The following CCP110 variants were observed in gnomAD, a reference collection of about 807,000 sequenced individuals.
CCP110 encodes the protein centriolar coiled-coil protein of 110 kDa.
CCP110 carries 43 observed loss-of-function variants against 105.5 expected under a neutral mutation model. The ratio of observed to expected loss-of-function variants is 0.41; its 90% CI spans 0.32 to 0.53. The LOEUF (loss-of-function observed/expected upper bound fraction) is 0.53. CCP110 is among the 20% of genes least tolerant of loss of function. CCP110 has a pLI of 0.32. For missense variants in CCP110, 1,016 were observed against 1,189.1 expected (o/e 0.85, Z 2.14); for synonymous variants, 353 against 392.1 (o/e 0.90, Z 1.18).
rs1333004431 is a variant in CCP110 at position 19,540,898 on chromosome 16, G to T, written c.2049+111G>T. 7.0e-6 allele frequency: 5 copies of T among 710,226 alleles called. No individual in the cohort carries two copies. The Admixed American group carries it at 1.8e-4, about 26-fold the overall frequency. 44.0% of individuals were successfully genotyped at this position (710,226 alleles called of 1,614,324 possible). A position where few individuals can be genotyped will look rare whatever the true frequency, so the allele number is the denominator to read the frequency against. On this transcript the variant is annotated intron_variant, in intron 5 of 14. Transcript: ENST00000381396. ...AATTTTTGCCTCCATATATCTTAAG[G>T]TAAGGGAGTCATTTTGATACGTGAA...
At chr16:19,532,483 A>G in exon 3 of CCP110, 3 of 1,611,532 alleles carry the variant, frequency 1.9e-6, no homozygotes, top group Non-Finnish European at 2.5e-6. Context: ...GAAGCAAGAA[A>G]GCAGGTTAAC....
chr16:19,533,590 G>A (rs1248292864), intron 3 of CCP110, among the ~76,000 whole-genome samples: 1 of 152,204 alleles, frequency 6.6e-6, no homozygotes, highest in African/African-American at 2.4e-5. Context: ...AGTCAGTTAT[G>A]CATTCATCTC....
At chr16:19,535,976 T>C (rs752367436) in exon 4 of CCP110, 2 of 1,611,592 alleles carry the variant, frequency 1.2e-6, no homozygotes, top group Non-Finnish European at 1.7e-6. Context: ...TTTTGATCAG[T>C]GGGAGATGGA....
chr16:19,542,215 G>T (rs1597271833), intron 6 of CCP110, 151 bp downstream of exon 6: 9 of 584,626 alleles, frequency 1.5e-5, no homozygotes, highest in Non-Finnish European at 2.1e-5. Flanking sequence ...AAAATGACAT[G>T]ATAGGAGATC....
At chr16:19,534,942 G>A (rs1191920620) in intron 3 of CCP110, among the ~76,000 whole-genome samples, 1 of 139,850 alleles carries the variant, frequency 7.2e-6, no homozygotes, top group Non-Finnish European at 1.5e-5. Context: ...GTGCAGTGAC[G>A]TGATCTTGGC....
At chr16:19,539,060 C>T (rs1347405474) in intron 4 of CCP110, among the ~76,000 whole-genome samples, 4 of 150,754 alleles carry the variant, frequency 2.7e-5, no homozygotes, top group East Asian at 1.9e-4. Context: ...TGCAGTGAGC[C>T]GAGATTGCAC....
chr16:19,546,227 T>C, intron 11 of CCP110, 185 bp from the exon 12 acceptor site: 1 of 522,748 alleles, frequency 1.9e-6, no homozygotes, highest in Non-Finnish European at 3.3e-6. Flanking sequence ...GGGAAAAATA[T>C]CTTAATAACT....
At chr16:19,536,176 T>G (rs1400372438) in exon 4 of CCP110, 1 of 1,613,976 alleles carries the variant, frequency 6.2e-7, no homozygotes, top group Non-Finnish European at 8.5e-7. Flanking sequence ...AAGGATTTAA[T>G]TCTCCGAAGC....
chr16:19,551,068 T>G lies in CCP110; in HGVS notation c.2987-128T>G, dbSNP rs148282221. ...ACAATTTCTACCTCAGGATGATTCA[T>G]ATAAGGATTAAATATGATAATGTAT... On this transcript the variant is annotated intron_variant, in intron 14 of 14. Transcript: ENST00000381396. 1.4e-3 allele frequency: 945 copies of G among 663,356 alleles called. 4 individuals are homozygous for G. In the African/African-American group the frequency reaches 0.015, roughly 11 times the overall value. The allele number at this position is 663,356 out of a possible 1,614,324, so 41.1% of individuals were successfully genotyped here.
At chr16:19,537,295 T>C (rs749014531) in exon 4 of CCP110, 3 of 1,614,194 alleles carry the variant, frequency 1.9e-6, no homozygotes, top group Non-Finnish European at 2.5e-6. Context: ...CAGAACTGAA[T>C]AAGTCTTATG....
chr16:19,533,202 A>G (rs1969935329), intron 3 of CCP110, among the ~76,000 whole-genome samples: 1 of 151,622 alleles, frequency 6.6e-6, no homozygotes, highest in East Asian at 1.9e-4. Context: ...TCATAATCTT[A>G]GGAGTTTGTG....
chr16:19,542,887 C>T (rs1970336916), exon 8 of CCP110: 1 of 1,606,386 alleles, frequency 6.2e-7, no homozygotes, highest in Non-Finnish European at 8.5e-7. Context: ...GGTTTTTAGT[C>T]TGGAAATACA....
intron 3 of CCP110, among the ~76,000 whole-genome samples, chr16:19,533,956 G>A (rs988963187): frequency 6.6e-6 from 1 of 152,156 alleles, no homozygotes; most frequent in Non-Finnish European, 1.5e-5. Context: ...CCTATGTAAT[G>A]AGTCTTCAGA....
intron 4 of CCP110, 139 bp downstream of exon 4, chr16:19,537,726 G>A (rs1970128160): frequency 3.5e-6 from 2 of 572,002 alleles, no homozygotes; most frequent in Admixed American, 3.6e-5. Context: ...AAGCATATTA[G>A]TCAGCTACAG....
intron 2 of CCP110, 39 bp from the exon 3 acceptor site, chr16:19,532,377 T>C (rs779890524): frequency 6.5e-7 from 1 of 1,529,860 alleles, no homozygotes; most frequent in Non-Finnish European, 8.8e-7. Context: ...ATGATATTTT[T>C]ATCGTGGGAA....
intron 4 of CCP110, among the ~76,000 whole-genome samples, chr16:19,538,396 G>C (rs534457308): frequency 3.1e-5 from 4 of 130,964 alleles, no homozygotes; most frequent in African/African-American, 1.2e-4. Flanking sequence ...TGCAACCTCT[G>C]CTTCCTGGGT....
chr16:19,525,596 T>G (rs1969642420), intron 1 of CCP110: 1 of 152,234 alleles, frequency 6.6e-6, no homozygotes, highest in Non-Finnish European at 1.5e-5. Flanking sequence ...AAATTTCCAT[T>G]CTCTAAATTC....
At position 19,532,329 on chromosome 16, in the gene CCP110, AT is replaced by A. The variant is rs935058521; in HGVS notation, c.142-86del. 18 of 1,158,866 alleles carry A rather than the reference AT, an allele frequency of 1.6e-5. No homozygotes were observed. In the African/African-American group the frequency reaches 2.0e-4, roughly 13 times the overall value. 71.8% of individuals were successfully genotyped at this position (1,158,866 alleles called of 1,614,324 possible). A position where few individuals can be genotyped will look rare whatever the true frequency, so the allele number is the denominator to read the frequency against. Reference sequence around the variant, plus strand: ...TATACATTAGTTTTGCCTGTTGCACATGTTTTTAATCTTTCTGATTCACAAC... The same window carrying A: ...TATACATTAGTTTTGCCTGTTGCACAGTTTTTAATCTTTCTGATTCACAAC... On this transcript the variant is annotated intron_variant, in intron 2 of 14. Transcript: ENST00000381396.
chr16:19,545,146 C>G lies in CCP110; in HGVS notation c.2639C>G (p.Ala880Gly). 1.9e-6 allele frequency: 3 copies of G among 1,612,468 alleles called. No individual in the cohort carries two copies. In the South Asian group the frequency reaches 3.3e-5, roughly 18 times the overall value. Residue 880 changes from alanine to glycine, a missense_variant, in exon 10 of 15, where the codon GCT becomes GGT. Physicochemically the swap from Ala to Gly is moderately conservative, Grantham distance 60 (BLOSUM62 0). Coordinates refer to ENST00000381396, the Ensembl canonical transcript of CCP110. ...GACATATTCTTTGTAATGGATGCAG[C>G]TGAAAGAATGTCTATTCTACATCAT...
Sources: allele counts gnomAD v4.1 joint callset (sites outside exome capture counted in the v4.1 genomes callset), GRCh38; gene constraint gnomAD v4.1.1; transcripts MANE v1.5; gene names NCBI Gene and HGNC (gene_info 2026-07-23, HGNC 2026-07-21).